PCDH15: variants seen among roughly 807,000 people sequenced by gnomAD.
PCDH15 encodes protocadherin-15.
A neutral mutation model predicts 178.5 loss-of-function variants in PCDH15; 129 were observed. The observed-to-expected ratio is 0.72, with a 90% confidence interval of 0.63 to 0.84. PCDH15 has a LOEUF of 0.84. Ranked by LOEUF, PCDH15 falls within the 40% of genes least tolerant of loss-of-function variation. PCDH15 has a pLI of 0.00. For synonymous variants in PCDH15, 800 were observed against 732.0 expected (o/e 1.09, Z -1.50); for missense variants, 2,230 against 2,099.9 (o/e 1.06, Z -1.21).
intron 11 of PCDH15, among the ~76,000 whole-genome samples, chr10:54,192,855 T>C (rs960249775): frequency 5.9e-5 from 9 of 152,136 alleles, no homozygotes. Flanking sequence ...CATGGCATCA[T>C]CTCAGGGAAA....
At chr10:55,553,045 A>C (rs566969920) in intron 2 of PCDH15, among the ~76,000 whole-genome samples, 4 of 151,802 alleles carry the variant, frequency 2.6e-5, no homozygotes, top group South Asian at 4.1e-4. Context: ...CACAGAGTAC[A>C]CATGAAAGTT....
chr10:55,364,144 G>T (rs978950294), intron 2 of PCDH15, among the ~76,000 whole-genome samples: 2 of 152,014 alleles, frequency 1.3e-5, no homozygotes, highest in Non-Finnish European at 1.5e-5. Flanking sequence ...CTGCCACCTT[G>T]CGAAGAAAGG....
At chr10:55,560,117 G>T (rs867475971) in intron 2 of PCDH15, among the ~76,000 whole-genome samples, 3 of 151,940 alleles carry the variant, frequency 2.0e-5, no homozygotes, top group Non-Finnish European at 2.9e-5. Flanking sequence ...CGTATCATTT[G>T]TAAAATGGCC....
At chr10:54,558,345 G>C (rs981003962) in intron 2 of PCDH15, among the ~76,000 whole-genome samples, 6 of 152,004 alleles carry the variant, frequency 3.9e-5, no homozygotes, top group African/African-American at 1.4e-4. Flanking sequence ...ATTTATTAGA[G>C]ACAACACTCT....
chr10:54,169,931 CGT>C (rs2046700354), intron 13 of PCDH15, among the ~76,000 whole-genome samples: 1 of 150,824 alleles, frequency 6.6e-6, no homozygotes, highest in African/African-American at 2.4e-5. Context: ...CTATCCACCC[CGT>C]GCTGCCAAAC....
chr10:55,009,915 G>A (rs1319510091), intron 2 of PCDH15, among the ~76,000 whole-genome samples: 2 of 152,170 alleles, frequency 1.3e-5, no homozygotes, highest in South Asian at 2.1e-4. Flanking sequence ...ATCCTGCCTT[G>A]GAAAACTGCA....
intron 2 of PCDH15, among the ~76,000 whole-genome samples, chr10:55,079,475 G>A (rs1280626766): frequency 1.3e-5 from 2 of 152,122 alleles, no homozygotes; most frequent in African/African-American, 2.4e-5. Flanking sequence ...CCAGTCTTTA[G>A]CCCCAGTCAT....
chr10:55,579,757 C>G (rs764572805), intron 2 of PCDH15, among the ~76,000 whole-genome samples: 2 of 152,160 alleles, frequency 1.3e-5, no homozygotes, highest in African/African-American at 2.4e-5. Flanking sequence ...ACCCTCCACT[C>G]TTATTCATCC....
chr10:55,019,632 A>G (rs562050262), intron 2 of PCDH15, among the ~76,000 whole-genome samples: 10 of 152,238 alleles, frequency 6.6e-5, no homozygotes, highest in Admixed American at 3.9e-4. Context: ...CTAAGAAATA[A>G]ACTGCCCTTT....
chr10:53,849,693 T>C (rs2078217819), intron 28 of PCDH15, among the ~76,000 whole-genome samples: 1 of 151,198 alleles, frequency 6.6e-6, no homozygotes, highest in Non-Finnish European at 1.5e-5. Flanking sequence ...TGAAACCTCG[T>C]CTCTACTAAA....
chr10:55,021,899 G>A (rs953401341), intron 2 of PCDH15, among the ~76,000 whole-genome samples: 4 of 150,428 alleles, frequency 2.7e-5, no homozygotes. Flanking sequence ...GGAAGAACCT[G>A]AGGACATCAT....
At chr10:55,275,637 A>C (rs1488500167) in intron 1 of PCDH15, among the ~76,000 whole-genome samples, 2 of 150,636 alleles carry the variant, frequency 1.3e-5, no homozygotes, top group African/African-American at 4.9e-5. Context: ...TTATCTATAC[A>C]ATAATTTCAC....
chr10:54,240,416 C>T (rs957031665), intron 8 of PCDH15, among the ~76,000 whole-genome samples: 1 of 151,750 alleles, frequency 6.6e-6, no homozygotes, highest in Non-Finnish European at 1.5e-5. Context: ...TTACCAAGTG[C>T]CAGCATATTA....
intron 2 of PCDH15, among the ~76,000 whole-genome samples, chr10:54,550,958 C>T (rs1334104801): frequency 1.3e-5 from 2 of 151,636 alleles, no homozygotes; most frequent in Non-Finnish European, 2.9e-5. Context: ...GAGTTCATGA[C>T]CAACCTGGCA....
chr10:54,601,076 C>A (rs188554943), intron 2 of PCDH15, among the ~76,000 whole-genome samples: 36 of 152,158 alleles, frequency 2.4e-4, no homozygotes, highest in African/African-American at 8.7e-4. Context: ...GACTTTTCTT[C>A]ATGGGAGAAC....
At chr10:54,676,648 C>T (rs117030571) in intron 1 of PCDH15, among the ~76,000 whole-genome samples, 1,681 of 152,130 alleles carry the variant, frequency 0.011, 20 homozygotes, top group South Asian at 0.018. Flanking sequence ...TAACACTTTC[C>T]CCTTAGAATT....
intron 2 of PCDH15, among the ~76,000 whole-genome samples, chr10:54,537,365 CA>C (rs1341898855): frequency 1.3e-5 from 2 of 152,084 alleles, no homozygotes; most frequent in African/African-American, 4.8e-5. Flanking sequence ...GAGCTGGTAT[CA>C]AGTCTGAAAC....
intron 16 of PCDH15, among the ~76,000 whole-genome samples, chr10:54,088,531 A>G (rs1334467955): frequency 6.6e-6 from 1 of 152,138 alleles, no homozygotes; most frequent in East Asian, 1.9e-4. Context: ...TGCTCCTTGA[A>G]ATACATTTTT....
chr10:54,023,318 G>A (rs2092985263), intron 18 of PCDH15, 121 bp from the exon 19 acceptor site: 1 of 866,904 alleles, frequency 1.2e-6, no homozygotes, highest in Non-Finnish European at 1.8e-6. Flanking sequence ...GCCCTCTAAG[G>A]AGGAAATGAC....
Sources: allele counts gnomAD v4.1 joint callset (sites outside exome capture counted in the v4.1 genomes callset), GRCh38; gene constraint gnomAD v4.1.1; transcripts MANE v1.5; gene names NCBI Gene and HGNC (gene_info 2026-07-23, HGNC 2026-07-21).